The following WRN variants were observed in gnomAD, a reference collection of about 807,000 sequenced individuals.
WRN encodes WRN RecQ like helicase, also known as bifunctional 3'-5' exonuclease/ATP-dependent helicase WRN.
In WRN, 149 loss-of-function variants were observed where a neutral mutation model predicts 180.7. The observed-to-expected ratio is 0.82, with a 90% CI of 0.72 to 0.94. WRN has a LOEUF of 0.94. Ranked by LOEUF, WRN falls within the 40% of genes least tolerant of loss-of-function variation. WRN has a pLI of 0.00. For synonymous variants in WRN, 548 were observed against 568.9 expected (o/e 0.96, Z 0.52); for missense variants, 1,661 against 1,700.1 (o/e 0.98, Z 0.40).
intron 32 of WRN, among the ~76,000 whole-genome samples, chr8:31,157,078 T>A (rs1240727325): frequency 6.6e-6 from 1 of 152,256 alleles, no homozygotes; most frequent in Non-Finnish European, 1.5e-5. Context: ...TCTCTGCCAC[T>A]AACGGCTTTC....
At chr8:31,119,550 G>T (rs1185049397) in intron 20 of WRN, among the ~76,000 whole-genome samples, 1 of 151,478 alleles carries the variant, frequency 6.6e-6, no homozygotes, top group Non-Finnish European at 1.5e-5. Flanking sequence ...CTCCTAATAT[G>T]TTTATGTCAT....
chr8:31,045,857 C>T (rs1445777233), intron 1 of WRN, among the ~76,000 whole-genome samples: 1 of 152,080 alleles, frequency 6.6e-6, no homozygotes, highest in Non-Finnish European at 1.5e-5. Flanking sequence ...ATGAAAAATT[C>T]TGATGACTTT....
Position 31,147,395 on chromosome 8 carries a change from G to A in WRN, c.3491G>A (p.Arg1164Lys). ...IVLYGKLVEA[R>K]QKHANKMDVP... The stretch of plus-strand genomic sequence containing the variant: ...TTATATGGCAAATTGGTAGAAGCTA[G>A]GCAGAAACATGCCAATAAAATGGAT... The change falls in exon 30 of 35, where the codon AGG (arginine) becomes AAG (lysine). Residue 1164 changes from arginine to lysine, a missense_variant. Around this residue, in one of 3 missense-constraint regions of WRN, gnomAD observed 1,141 missense variants for 1,149.4 expected, o/e 0.99. Transcript: ENST00000298139. 1 of 1,613,980 alleles carries A rather than the reference G, an allele frequency of 6.2e-7. No homozygotes were observed. The highest frequency in any genetic ancestry group is 8.5e-7 in the Non-Finnish European group (1 of 1,179,964).
At chr8:31,091,000 C>A in intron 15 of WRN, 58 bp downstream of exon 15, 1 of 1,226,950 alleles carries the variant, frequency 8.2e-7, no homozygotes, top group Non-Finnish European at 1.2e-6. Flanking sequence ...GTGGGTGAAA[C>A]ATCTGATCCA....
intron 1 of WRN, among the ~76,000 whole-genome samples, chr8:31,054,376 A>G (rs1314934941): frequency 2.0e-5 from 3 of 152,054 alleles, no homozygotes; most frequent in African/African-American, 7.2e-5. Context: ...CAATTAAGCC[A>G]TTCAAAATAA....
chr8:31,036,507 G>A (rs914731892), intron 1 of WRN, among the ~76,000 whole-genome samples: 6 of 152,046 alleles, frequency 3.9e-5, no homozygotes, highest in Admixed American at 6.6e-5. Context: ...CCACATCCTC[G>A]CCAACACTTA....
At chr8:31,129,076 C>T (rs1802046607) in intron 23 of WRN, among the ~76,000 whole-genome samples, 1 of 152,108 alleles carries the variant, frequency 6.6e-6, no homozygotes, top group Admixed American at 6.5e-5. Flanking sequence ...TTCCTGGGCT[C>T]AAGCAATTCT....
At position 31,047,930 on chromosome 8, in the gene WRN, T is replaced by C. The variant is rs558465758; in HGVS notation, c.-76-10442T>C. On this transcript the variant is annotated intron_variant, in intron 1 of 34. Coordinates refer to ENST00000298139, the MANE Select transcript of WRN (RefSeq NM_000553.6). ...CAGGTCAAGTGATGTTCCTGGTTTA[T>C]GGGCAGTGTGGCTTCTCACTATGAC... 2.3e-4 allele frequency among the ~76,000 whole-genome samples: 35 copies of C among 152,348 alleles called. No individual in the cohort carries two copies. The South Asian group carries it at 7.3e-3, about 32-fold the overall frequency.
chr8:31,141,664 CT>C lies in WRN; in HGVS notation c.3139-12del, dbSNP rs765707512. On this transcript the variant is annotated splice_polypyrimidine_tract_variant and intron_variant, in intron 25 of 34. Coordinates refer to ENST00000298139, the MANE Select transcript of WRN (RefSeq NM_000553.6). ...GTTTCCCACTCCACATTAAAAGATC[CT>C]TTTTGCTTTTAATAGGGTAGAAATT... 4.3e-6 allele frequency: 7 copies of C among 1,613,922 alleles called. No individual in the cohort carries two copies. The highest frequency in any genetic ancestry group is 5.9e-6 in the Non-Finnish European group (7 of 1,179,866).
intron 1 of WRN, among the ~76,000 whole-genome samples, chr8:31,044,956 G>A (rs767201022): frequency 6.6e-6 from 1 of 152,182 alleles, no homozygotes; most frequent in Non-Finnish European, 1.5e-5. Flanking sequence ...TGAAGGTTAT[G>A]CAGATTTAAA....
Position 31,091,790 on chromosome 8 carries a change from T to C in WRN, c.1830-40T>C, listed in dbSNP as rs201612165. On this transcript the variant is annotated intron_variant, in intron 15 of 34. Transcript: ENST00000298139. The stretch of plus-strand genomic sequence containing the variant: ...TTAAGAGTGAAATTGATATGTGTAA[T>C]GTGTACATGGTGCCAGAATATTTGT... 340 of 1,526,412 alleles carry C rather than the reference T, an allele frequency of 2.2e-4. 2 individuals carry two copies. Among genetic ancestry groups the C allele is most frequent in the East Asian group, 5.0e-4 (22 of 44,392 alleles). The allele number at this position is 1,526,412 out of a possible 1,614,324, so 94.6% of individuals were successfully genotyped here. A position where few individuals can be genotyped will look rare whatever the true frequency, so the allele number is the denominator to read the frequency against.
At chr8:31,059,590 CTG>C (rs1388377508) in intron 3 of WRN, among the ~76,000 whole-genome samples, 1 of 152,050 alleles carries the variant, frequency 6.6e-6, no homozygotes, top group Non-Finnish European at 1.5e-5. Context: ...ACTGAACATA[CTG>C]TGTTTATTTT....
chr8:31,078,893 C>G (rs1813197562), intron 8 of WRN, among the ~76,000 whole-genome samples: 1 of 152,122 alleles, frequency 6.6e-6, no homozygotes, highest in South Asian at 2.1e-4. Context: ...ATGTTATATT[C>G]CCTGATGTCA....
chr8:31,124,810 G>A lies in WRN; in HGVS notation c.2733-98G>A, dbSNP rs968752390. On this transcript the variant is annotated intron_variant, in intron 22 of 34. Transcript: ENST00000298139. ...GAAGTCAAATAATGAAGTCCCAAGT[G>A]AATCAATTAATGGTGATTTTACCTC... is the stretch of plus-strand genomic sequence containing the variant. 7 of 1,303,246 alleles carry A rather than the reference G, an allele frequency of 5.4e-6. No homozygotes were observed. In the African/African-American group the frequency reaches 8.9e-5, roughly 17 times the overall value. 80.7% of individuals were successfully genotyped at this position (1,303,246 alleles called of 1,614,324 possible).
chr8:31,080,452 C>CTTT (rs11395807), intron 8 of WRN, among the ~76,000 whole-genome samples: 8 of 146,976 alleles, frequency 5.4e-5, no homozygotes, highest in African/African-American at 1.5e-4. Flanking sequence ...TATCAAACAC[C>CTTT]TTTTTTTTTT....
intron 31 of WRN, among the ~76,000 whole-genome samples, chr8:31,152,489 G>A (rs1198142613): frequency 2.6e-5 from 4 of 151,868 alleles, no homozygotes; most frequent in Non-Finnish European, 5.9e-5. Context: ...AAACCGGGTG[G>A]TGCCCATCTT....
chr8:31,143,724 G>A (rs1031082621), intron 28 of WRN, 101 bp downstream of exon 28: 3 of 816,170 alleles, frequency 3.7e-6, no homozygotes, highest in African/African-American at 1.7e-5. Flanking sequence ...ATTGGCAAAA[G>A]GAAGTTAAAT....
chr8:31,091,817 T>G lies in WRN; in HGVS notation c.1830-13T>G. ...TGTACATGGTGCCAGAATATTTGTT[T>G]TTCTTCTTATAGAATGTCCAACATC... On this transcript the variant is annotated splice_polypyrimidine_tract_variant and intron_variant, in intron 15 of 34. Transcript: ENST00000298139. 6.2e-7 allele frequency: 1 copy of G among 1,612,300 alleles called. No homozygotes were observed. Among genetic ancestry groups the G allele is most frequent in the Non-Finnish European group, 8.5e-7 (1 of 1,178,570 alleles).
intron 18 of WRN, among the ~76,000 whole-genome samples, chr8:31,107,912 A>G (rs897629658): frequency 6.6e-6 from 1 of 152,226 alleles, no homozygotes; most frequent in African/African-American, 2.4e-5. Flanking sequence ...CCCAGTATCT[A>G]TTACAAAGAT....
Sources: allele counts gnomAD v4.1 joint callset (sites outside exome capture counted in the v4.1 genomes callset), GRCh38; gene constraint gnomAD v4.1.1; regional missense constraint gnomAD v4.1.1; transcripts MANE v1.5; gene names NCBI Gene and HGNC (gene_info 2026-07-23, HGNC 2026-07-21).